YJU2B: variants seen among roughly 807,000 people sequenced by gnomAD.
YJU2B encodes probable splicing factor YJU2B.
A neutral mutation model predicts 38.0 loss-of-function variants in YJU2B; 18 were observed. The ratio of observed to expected loss-of-function variants is 0.47; its 90% CI spans 0.33 to 0.70. YJU2B has a LOEUF of 0.70. Among genes scored for constraint, YJU2B ranks in the 30% least tolerant of loss-of-function variants. The pLI is 0.02. For missense variants in YJU2B, 538 were observed against 556.3 expected, an observed-to-expected ratio of 0.97 and a Z score of 0.33; for synonymous variants, 246 against 225.4, an observed-to-expected ratio of 1.09 and a Z score of -0.82.
chr19:13,736,905 T>C (rs1972962898), intron 2 of YJU2B, among the ~76,000 whole-genome samples: 1 of 151,162 alleles, frequency 6.6e-6, no homozygotes, highest in South Asian at 2.1e-4. Flanking sequence ...TGGGAAGCTG[T>C]GATCCTAGCT....
At chr19:13,745,620 C>T (rs1973209350), upstream of YJU2B, among the ~76,000 whole-genome samples, 1 of 146,690 alleles carries the variant, frequency 6.8e-6, no homozygotes, top group African/African-American at 2.6e-5. Flanking sequence ...CTTTGCTCTC[C>T]AGCCTGAGCA....
In YJU2B at chr19:13,757,479, CCT is replaced by C. The variant is rs755882745; in HGVS notation, c.196+9_196+10del. ...CAAGAACCACATCGGCATGGGTGAG[CCT>C]CTGCCCACCCTCCATTCAGTCCTGC... On this transcript the variant is annotated splice_region_variant and intron_variant, in intron 5 of 9. Transcript: ENST00000221554. The C allele has an allele frequency of 6.2e-7, 1 of 1,612,778 alleles. No individual in the cohort carries two copies. Among genetic ancestry groups the C allele is most frequent in the South Asian group, 1.1e-5 (1 of 91,042 alleles).
intron 1 of YJU2B, among the ~76,000 whole-genome samples, chr19:13,750,434 C>T (rs1340717525): frequency 1.3e-5 from 2 of 152,100 alleles, no homozygotes; most frequent in Middle Eastern, 3.2e-3. Context: ...ACCATGTTGG[C>T]CAGGCTGGTC....
intron 2 of YJU2B, among the ~76,000 whole-genome samples, chr19:13,753,803 A>G (rs1224031488): frequency 2.0e-5 from 3 of 152,116 alleles, no homozygotes; most frequent in Non-Finnish European, 4.4e-5. Flanking sequence ...ATTCGCTGTC[A>G]TGAGAACAGC....
intron 2 of YJU2B, among the ~76,000 whole-genome samples, chr19:13,735,031 T>C (rs1269853934): frequency 6.6e-6 from 1 of 152,104 alleles, no homozygotes; most frequent in Non-Finnish European, 1.5e-5. Flanking sequence ...GATCAGGAGA[T>C]CTTAGCAGGG....
Position 13,763,015 on chromosome 19 carries a change from T to G in YJU2B, c.1138T>G (p.Cys380Gly). 1 of 1,595,432 alleles carries G rather than the reference T, an allele frequency of 6.3e-7. No individual in the cohort carries two copies. ...TGACACCCCCGACACGCGGCACCCC[T>G]GCAGTCTCGGCTCCTCCCTCGTGGC... is the stretch of plus-strand genomic sequence containing the variant. ...AADTPDTRHPCSLGSSLVADY... is the reference protein window; with the variant it reads ...AADTPDTRHPGSLGSSLVADY... Residue 380 changes from cysteine (C) to glycine (G), a missense_variant, in exon 10 of 10, where the codon TGC becomes GGC. By Grantham distance (159) the Cys-to-Gly change is radical. Coordinates refer to ENST00000221554, the MANE Select transcript of YJU2B (RefSeq NM_030818.4).
rs530156147 is a variant in YJU2B at position 13,733,992 on chromosome 19, A to G, written c.-202+1707A>G. ...CCCCAGGCTGGAGTACAGTGGTGCAATCATGACTCACTGTAGCCTCCAACT... is the reference window on the plus strand; with the variant it reads ...CCCCAGGCTGGAGTACAGTGGTGCAGTCATGACTCACTGTAGCCTCCAACT... On this transcript the variant is annotated intron_variant, in intron 2 of 10. Transcript: ENST00000586600. Among the ~76,000 whole-genome samples, 3 of 152,196 alleles carry G rather than the reference A, an allele frequency of 2.0e-5. No homozygotes were observed. The South Asian group carries it at 6.2e-4, about 32-fold the overall frequency.
intron 1 of YJU2B, among the ~76,000 whole-genome samples, chr19:13,750,896 C>A (rs888879394): frequency 2.7e-5 from 4 of 147,410 alleles, no homozygotes; most frequent in African/African-American, 1.0e-4. Context: ...TAACAAAGAG[C>A]TTGCAAACCT....
chr19:13,741,712 A>G (rs575067), intron 2 of YJU2B, among the ~76,000 whole-genome samples: 93,347 of 151,662 alleles, frequency 0.62, 29,061 homozygotes, highest in Middle Eastern at 0.72. Flanking sequence ...CCTGGGTGAC[A>G]GTGGAGACCC....
Position 13,762,625 on chromosome 19 carries a change from A to G in YJU2B, c.748A>G (p.Ile250Val), listed in dbSNP as rs1468370439. 1 of 1,534,506 alleles carries G rather than the reference A, an allele frequency of 6.5e-7. No individual in the cohort carries two copies. The highest frequency in any genetic ancestry group is 2.3e-5 in the East Asian group (1 of 44,348). The change falls in exon 10 of 10, where the codon ATC (isoleucine) becomes GTC (valine). Residue 250 changes from isoleucine to valine, a missense_variant. Ile to Val is a conservative substitution (Grantham distance 29). Around this residue, in one of 2 missense-constraint regions of YJU2B, gnomAD observed 488 missense variants for 469.5 expected, o/e 1.04. Transcript: ENST00000221554. ...CAAGCAGAAACTCAAGCGGACCGAG[A>G]TCATCAGCCGCTCCTGGTTCCCCTC... ...EDKQKLKRTE[I>V]ISRSWFPSAP...
At chr19:13,732,140 C>G (rs1972833885) in intron 1 of YJU2B, 1 of 152,152 alleles carries the variant, frequency 6.6e-6, no homozygotes, top group African/African-American at 2.4e-5. Context: ...CCGACAACAG[C>G]CCGAGGAAGT....
chr19:13,743,786 G>A (rs1357054433), upstream of YJU2B, among the ~76,000 whole-genome samples: 3 of 151,092 alleles, frequency 2.0e-5, no homozygotes, highest in African/African-American at 7.3e-5. Context: ...CTCGCTACTC[G>A]GGAGGCTGAG....
At chr19:13,745,741 A>G (rs1366169886), upstream of YJU2B, among the ~76,000 whole-genome samples, 1 of 89,878 alleles carries the variant, frequency 1.1e-5, no homozygotes, top group Non-Finnish European at 2.4e-5. Context: ...ATATATATAT[A>G]TAGATATATA....
chr19:13,752,912 CAA>C (rs36058954), intron 2 of YJU2B, among the ~76,000 whole-genome samples: 1 of 134,156 alleles, frequency 7.5e-6, no homozygotes, highest in African/African-American at 2.6e-5. Flanking sequence ...GACTCTGTCT[CAA>C]AAAAAAAAAA....
At chr19:13,733,842 A>G (rs1280154031) in intron 2 of YJU2B, among the ~76,000 whole-genome samples, 1 of 152,214 alleles carries the variant, frequency 6.6e-6, no homozygotes, top group Non-Finnish European at 1.5e-5. Context: ...ATTGAGAAAC[A>G]CTGGCCATGA....
intron 2 of YJU2B, among the ~76,000 whole-genome samples, chr19:13,753,359 G>T (rs1973541887): frequency 6.6e-6 from 1 of 152,024 alleles, no homozygotes; most frequent in South Asian, 2.1e-4. Flanking sequence ...GGGTCACAAG[G>T]TCAGGAGTTC....
chr19:13,740,629 C>T (rs947185509), intron 2 of YJU2B, among the ~76,000 whole-genome samples: 10 of 152,086 alleles, frequency 6.6e-5, no homozygotes, highest in South Asian at 4.1e-4. Context: ...CCTCTGCCTC[C>T]GAGTTCAAGC....
chr19:13,757,943 C>A, intron 6 of YJU2B, 97 bp downstream of exon 6: 2 of 1,065,266 alleles, frequency 1.9e-6, no homozygotes, highest in Non-Finnish European at 1.4e-6. Flanking sequence ...CCATTCCCTG[C>A]AGGACTCCTG....
At chr19:13,745,302 T>C (rs1973200868), upstream of YJU2B, among the ~76,000 whole-genome samples, 5 of 152,144 alleles carry the variant, frequency 3.3e-5, no homozygotes, top group Admixed American at 3.3e-4. Flanking sequence ...GCACCATGAC[T>C]ATGTAAGAAT....
Sources: gnomAD v4.1 joint callset for allele counts (sites outside exome capture counted in the v4.1 genomes callset) on GRCh38, gnomAD v4.1.1 for gene constraint, gnomAD v4.1.1 regional missense constraint, MANE v1.5 for transcripts, NCBI Gene and HGNC (gene_info 2026-07-23, HGNC 2026-07-21) for gene names.